The following PCDH15 variants were observed in gnomAD, a reference collection of about 807,000 sequenced individuals.
The protein encoded by PCDH15 is protocadherin related 15.
In PCDH15, 129 loss-of-function variants were observed where a neutral mutation model predicts 178.5. The observed-to-expected ratio is 0.72, with a 90% CI of 0.63 to 0.84. PCDH15 has a LOEUF of 0.84. PCDH15 is among the 40% of genes least tolerant of loss of function. The pLI is 0.00. For synonymous variants in PCDH15, 800 were observed against 732.0 expected (o/e 1.09, Z -1.50); for missense variants, 2,230 against 2,099.9 (o/e 1.06, Z -1.21).
chr10:55,393,901 C>T (rs772719001), intron 2 of PCDH15, among the ~76,000 whole-genome samples: 13 of 152,148 alleles, frequency 8.5e-5, no homozygotes, highest in Non-Finnish European at 1.6e-4. Context: ...CAAAATCCCA[C>T]CCAAAAGTGA....
chr10:55,187,064 T>C (rs1478010620), intron 1 of PCDH15, among the ~76,000 whole-genome samples: 1 of 151,950 alleles, frequency 6.6e-6, no homozygotes. Flanking sequence ...TGAGAACCTA[T>C]TATACCTATT....
At chr10:55,286,132 C>A (rs1392497151) in intron 1 of PCDH15, among the ~76,000 whole-genome samples, 1 of 151,758 alleles carries the variant, frequency 6.6e-6, no homozygotes, top group Non-Finnish European at 1.5e-5. Context: ...CTTTCTTTTC[C>A]ATTAAAATTA....
chr10:54,847,326 T>G (rs1188151622), intron 3 of PCDH15, among the ~76,000 whole-genome samples: 5 of 152,224 alleles, frequency 3.3e-5, no homozygotes, highest in Non-Finnish European at 7.4e-5. Flanking sequence ...GAATGTTACT[T>G]TGAGGTATTT....
At chr10:53,916,034 A>G (rs959504120) in intron 25 of PCDH15, among the ~76,000 whole-genome samples, 1 of 152,194 alleles carries the variant, frequency 6.6e-6, no homozygotes, top group African/African-American at 2.4e-5. Context: ...GTATTTGCAT[A>G]TAACATATAC....
chr10:54,161,929 A>T lies in PCDH15; in HGVS notation c.1591-8636T>A, dbSNP rs1435897850. The stretch of plus-strand genomic sequence containing the variant: ...CCTGATTAAAGTTTTCTTCTCTGGC[A>T]ATATTTGTTGTCTCACTGATTGGCA... On this transcript the variant is annotated intron_variant, in intron 13 of 37. Coordinates refer to ENST00000644397, the MANE Select transcript of PCDH15 (RefSeq NM_001384140.1). Among the ~76,000 whole-genome samples, 6 of 152,054 alleles carry T rather than the reference A, an allele frequency of 3.9e-5. No individual in the cohort carries two copies. In the South Asian group the frequency reaches 1.2e-3, roughly 32 times the overall value.
chr10:54,406,766 A>G (rs1445682093), intron 3 of PCDH15, among the ~76,000 whole-genome samples: 1 of 152,152 alleles, frequency 6.6e-6, no homozygotes, highest in African/African-American at 2.4e-5. Context: ...TTAATCAAAG[A>G]AGGAGCAAAC....
intron 1 of PCDH15, among the ~76,000 whole-genome samples, chr10:55,293,674 G>T (rs1843068652): frequency 6.6e-6 from 1 of 152,198 alleles, no homozygotes. Flanking sequence ...AATGCTGCCA[G>T]CCTCTTTGCT....
intron 2 of PCDH15, among the ~76,000 whole-genome samples, chr10:54,603,085 A>C (rs2092608257): frequency 6.6e-6 from 1 of 151,978 alleles, no homozygotes; most frequent in Non-Finnish European, 1.5e-5. Flanking sequence ...GTGCTGGACT[A>C]TTCTATTTCT....
chr10:54,399,601 T>C (rs74136139), intron 3 of PCDH15, among the ~76,000 whole-genome samples: 7,975 of 152,126 alleles, frequency 0.052, 700 homozygotes, highest in African/African-American at 0.18. Context: ...GGTTAGGAAA[T>C]AACTGTATTC....
Position 54,553,321 on chromosome 10 carries a change from A to ACT in PCDH15, c.92-25446_92-25445dup, listed in dbSNP as rs2086818940. 2.0e-5 allele frequency among the ~76,000 whole-genome samples: 3 copies of ACT among 152,018 alleles called. No homozygotes were observed. The South Asian group carries it at 6.2e-4, about 32-fold the overall frequency. ...TGCTCTACTGGGGAAGCCTTGAGAG[A>ACT]CTCTGCAACTGTGATGGTGGGGTCT... is the stretch of plus-strand genomic sequence containing the variant. On this transcript the variant is annotated intron_variant, in intron 2 of 37. Coordinates refer to ENST00000644397, the MANE Select transcript of PCDH15 (RefSeq NM_001384140.1).
At chr10:54,367,945 A>G (rs924293026) in intron 5 of PCDH15, among the ~76,000 whole-genome samples, 3 of 151,884 alleles carry the variant, frequency 2.0e-5, no homozygotes, top group African/African-American at 7.2e-5. Flanking sequence ...AATGTAACTC[A>G]AAGGGTGTAT....
chr10:55,147,212 C>G (rs1015665325), intron 2 of PCDH15, among the ~76,000 whole-genome samples: 5 of 151,244 alleles, frequency 3.3e-5, no homozygotes, highest in African/African-American at 9.7e-5. Flanking sequence ...GTCAATTGTA[C>G]TTTCTGGATT....
intron 2 of PCDH15, among the ~76,000 whole-genome samples, chr10:55,553,217 A>G (rs1327946728): frequency 1.3e-5 from 2 of 151,624 alleles, no homozygotes; most frequent in African/African-American, 2.4e-5. Context: ...ATAAAAAAAA[A>G]AAAAACATGA....
chr10:55,221,438 T>C (rs1160365009), intron 1 of PCDH15, among the ~76,000 whole-genome samples: 4 of 152,162 alleles, frequency 2.6e-5, no homozygotes, highest in Non-Finnish European at 5.9e-5. Context: ...GCCTGTAAAC[T>C]GTTTTTGCTG....
chr10:54,500,128 AAAC>A (rs2137385763), intron 3 of PCDH15, among the ~76,000 whole-genome samples: 1 of 150,392 alleles, frequency 6.6e-6, no homozygotes, highest in South Asian at 2.2e-4. Flanking sequence ...AAGAAAAACA[AAAC>A]AACATTCTTT....
At chr10:55,444,675 G>A (rs866775603) in intron 2 of PCDH15, among the ~76,000 whole-genome samples, 3 of 152,094 alleles carry the variant, frequency 2.0e-5, no homozygotes, top group African/African-American at 7.2e-5. Flanking sequence ...AAACAGCAAG[G>A]AAGAAGAAAT....
At position 55,511,754 on chromosome 10, in the gene PCDH15, G is replaced by A. The variant is rs189438554; in HGVS notation, c.-156+115871C>T. Among the ~76,000 whole-genome samples the A allele has an allele frequency of 1.1e-3, 164 of 151,944 alleles. 2 individuals carry two copies. The highest frequency in any genetic ancestry group is 3.7e-3 in the African/African-American group (155 of 41,480). On this transcript the variant is annotated intron_variant, in intron 2 of 5. Coordinates refer to the PCDH15 transcript ENST00000613346. The stretch of plus-strand genomic sequence containing the variant: ...TCTTAGTTGATTCAGTTATGTATTC[G>A]CTATTTGTATGTTCATGAGAATCAT...
intron 2 of PCDH15, among the ~76,000 whole-genome samples, chr10:55,084,728 G>GA (rs377112487): frequency 6.6e-6 from 1 of 151,690 alleles, no homozygotes; most frequent in Non-Finnish European, 1.5e-5. Context: ...AATTATATAG[G>GA]AAAAAAATCT....
intron 25 of PCDH15, 48 bp from the exon 26 acceptor site, chr10:53,903,418 G>C: frequency 6.2e-7 from 1 of 1,603,878 alleles, no homozygotes. Context: ...TATTCATGGG[G>C]GAAAAAATGC....
Sources: gnomAD v4.1 joint callset for allele counts (sites outside exome capture counted in the v4.1 genomes callset) on GRCh38, gnomAD v4.1.1 for gene constraint, MANE v1.5 for transcripts, NCBI Gene and HGNC (gene_info 2026-07-23, HGNC 2026-07-21) for gene names.